RIMBP2: variants seen among roughly 807,000 people sequenced by gnomAD.
The protein encoded by RIMBP2 is RIMS-binding protein 2.
A neutral mutation model predicts 118.6 loss-of-function variants in RIMBP2; 48 were observed. The ratio of observed to expected loss-of-function variants is 0.40; its 90% CI spans 0.32 to 0.51. RIMBP2 has a LOEUF of 0.51. Ranked by LOEUF, RIMBP2 falls within the 20% of genes least tolerant of loss-of-function variation. The pLI is 0.41. For missense variants in RIMBP2, 1,551 were observed against 1,768.3 expected (o/e 0.88, Z 2.20); for synonymous variants, 762 against 742.9 (o/e 1.03, Z -0.42).
chr12:130,701,633 C>A (rs565624039), intron 1 of RIMBP2, among the ~76,000 whole-genome samples: 1 of 152,052 alleles, frequency 6.6e-6, no homozygotes, highest in Non-Finnish European at 1.5e-5. Context: ...ACTGTGAGAC[C>A]GACTGTAGCA....
rs1335582546 is a variant in RIMBP2, at chr12:130,646,195, TTCCCTCTCCACCTCCCTCTCCACC to T, written c.-351-17763_-351-17740del. ...CCTGCCTCTCCACCTCCCTCACCAC[TTCCCTCTCCACCTCCCTCTCCACC>T]TCCCTCACCACCTGCCTCTCCACCT... is the stretch of plus-strand genomic sequence containing the variant. On this transcript the variant is annotated intron_variant, in intron 1 of 22. Coordinates refer to ENST00000690449, the MANE Select transcript of RIMBP2 (RefSeq NM_001393629.1). Among the ~76,000 whole-genome samples, 6 of 4,354 alleles carry T rather than the reference TTCCCTCTCCACCTCCCTCTCCACC, an allele frequency of 1.4e-3. 1 individual carries two copies. The highest frequency in any genetic ancestry group is 2.8e-3 in the Non-Finnish European group (6 of 2,160). The allele number at this position is 4,354 out of a possible 152,430, so 2.9% of individuals were successfully genotyped here. A position where few individuals can be genotyped will look rare whatever the true frequency, so the allele number is the denominator to read the frequency against.
At chr12:130,588,013 G>T (rs1460825977) in intron 2 of RIMBP2, among the ~76,000 whole-genome samples, 1 of 151,814 alleles carries the variant, frequency 6.6e-6, no homozygotes, top group Non-Finnish European at 1.5e-5. Flanking sequence ...GCAAGCCGGG[G>T]TCCTCGCCTC....
chr12:130,644,678 C>T (rs1566419818), intron 1 of RIMBP2, among the ~76,000 whole-genome samples: 1 of 152,346 alleles, frequency 6.6e-6, no homozygotes, highest in African/African-American at 2.4e-5. Flanking sequence ...ACTTCAGGGG[C>T]AGCAAGGCTA....
chr12:130,451,431 C>T (rs1390251386), intron 7 of RIMBP2, 91 bp from the exon 8 acceptor site: 9 of 1,345,744 alleles, frequency 6.7e-6, no homozygotes, highest in Middle Eastern at 1.9e-4. Context: ...GTGCCTTTCC[C>T]CTCTTTGACA....
intron 2 of RIMBP2, among the ~76,000 whole-genome samples, chr12:130,541,986 G>A (rs1490091095): frequency 6.6e-6 from 1 of 152,190 alleles, no homozygotes; most frequent in Non-Finnish European, 1.5e-5. Flanking sequence ...CCATACTCAG[G>A]GGCTCTAAGT....
chr12:130,638,577 A>G (rs2062456077), intron 1 of RIMBP2, among the ~76,000 whole-genome samples: 1 of 152,114 alleles, frequency 6.6e-6, no homozygotes, highest in African/African-American at 2.4e-5. Context: ...ACTGTGAACT[A>G]TGCATGCGAG....
chr12:130,694,526 G>A (rs1343917082), intron 1 of RIMBP2, among the ~76,000 whole-genome samples: 1 of 151,996 alleles, frequency 6.6e-6, no homozygotes, highest in African/African-American at 2.4e-5. Flanking sequence ...TTCCCACCAC[G>A]CTCCAGCATG....
At chr12:130,490,779 G>T (rs985032123) in intron 4 of RIMBP2, among the ~76,000 whole-genome samples, 1 of 152,172 alleles carries the variant, frequency 6.6e-6, no homozygotes, top group Admixed American at 6.6e-5. Flanking sequence ...TCGGCCAAGT[G>T]GGGGCTGCAG....
At position 130,703,254 on chromosome 12, in the gene RIMBP2, A is replaced by G. The variant is rs2065945100; in HGVS notation, c.-352+12968T>C. Among the ~76,000 whole-genome samples the G allele has an allele frequency of 6.6e-6, 1 of 152,012 alleles. No individual in the cohort carries two copies. Among genetic ancestry groups the G allele is most frequent in the Admixed American group, 6.6e-5 (1 of 15,260 alleles). On this transcript the variant is annotated intron_variant, in intron 1 of 22. Transcript: ENST00000690449. This position sits in a 1 kb window ranked among gnomAD's most constrained non-coding sequence, Gnocchi z 5.7. ...ATGACGCCTGGTGTTGGCCTTGTGC[A>G]CCCCGATTAACCTCCAGGCGGGCTC...
At chr12:130,680,441 C>A (rs940705815) in intron 1 of RIMBP2, among the ~76,000 whole-genome samples, 10 of 152,218 alleles carry the variant, frequency 6.6e-5, no homozygotes, top group African/African-American at 2.4e-4. Flanking sequence ...AAAAGCAGGG[C>A]AGTGGGCACA....
At chr12:130,711,921 G>A (rs967870568) in intron 1 of RIMBP2, among the ~76,000 whole-genome samples, 19 of 152,384 alleles carry the variant, frequency 1.2e-4, no homozygotes, top group Admixed American at 6.5e-5. Flanking sequence ...CATTGCTTCC[G>A]GTTTCACAGC....
intron 2 of RIMBP2, among the ~76,000 whole-genome samples, chr12:130,619,756 G>A (rs149208635): frequency 6.6e-6 from 1 of 152,144 alleles, no homozygotes; most frequent in Non-Finnish European, 1.5e-5. Context: ...CTAATCCGAA[G>A]CCCTTTTGTT....
intron 1 of RIMBP2, among the ~76,000 whole-genome samples, chr12:130,633,246 T>C (rs2062116150): frequency 6.6e-6 from 1 of 152,134 alleles, no homozygotes; most frequent in Non-Finnish European, 1.5e-5. Flanking sequence ...GTCTCATCAT[T>C]TGAGCTCAAA....
rs2140448550 is a variant in RIMBP2 at position 130,602,606 on chromosome 12, T to C, written c.-217+25716A>G. Among the ~76,000 whole-genome samples, 3 of 152,352 alleles carry C rather than the reference T, an allele frequency of 2.0e-5. No homozygotes were observed. The South Asian group carries it at 6.2e-4, about 32-fold the overall frequency. On this transcript the variant is annotated intron_variant, in intron 2 of 22. Coordinates refer to ENST00000690449, the MANE Select transcript of RIMBP2 (RefSeq NM_001393629.1). ...TGCCATTGGCAGGGCTACCATTGAC[T>C]TCTTTTGCTTGACTTTTTTGGTAGC...
chr12:130,605,650 G>T (rs2060138892), intron 2 of RIMBP2, among the ~76,000 whole-genome samples: 1 of 152,200 alleles, frequency 6.6e-6, no homozygotes, highest in South Asian at 2.1e-4. Flanking sequence ...AATAGATGAT[G>T]ATAGACAGGC....
intron 16 of RIMBP2, among the ~76,000 whole-genome samples, chr12:130,423,846 C>T (rs2076584096): frequency 6.6e-6 from 1 of 152,112 alleles, no homozygotes; most frequent in Non-Finnish European, 1.5e-5. Flanking sequence ...GATAATCACA[C>T]TTCAGCTAAC....
chr12:130,646,829 G>A (rs2063002592), intron 1 of RIMBP2, among the ~76,000 whole-genome samples: 2 of 152,228 alleles, frequency 1.3e-5, no homozygotes, highest in South Asian at 4.1e-4. Flanking sequence ...TGAGAACCCA[G>A]CAGTTCAGAC....
chr12:130,611,480 C>T (rs759038067), intron 2 of RIMBP2, among the ~76,000 whole-genome samples: 12 of 152,212 alleles, frequency 7.9e-5, no homozygotes, highest in Non-Finnish European at 1.6e-4. Context: ...GCCCCCGATC[C>T]TCCGCTGGAA....
Position 130,703,894 on chromosome 12 carries a change from G to A in RIMBP2, c.-352+12328C>T, listed in dbSNP as rs935211983. ...AGCCTGAACGCAGCGCAGAGGTCTG[G>A]GGCCCGACCACCCTGGGAGGCAGTG... On this transcript the variant is annotated intron_variant, in intron 1 of 22. Coordinates refer to ENST00000690449, the MANE Select transcript of RIMBP2 (RefSeq NM_001393629.1). This position sits in a 1 kb window ranked among gnomAD's most constrained non-coding sequence, Gnocchi z 5.7. 6.6e-6 allele frequency among the ~76,000 whole-genome samples: 1 copy of A among 152,058 alleles called. No individual in the cohort carries two copies. Among genetic ancestry groups the A allele is most frequent in the Non-Finnish European group, 1.5e-5 (1 of 68,008 alleles).
Sources: allele counts gnomAD v4.1 joint callset (sites outside exome capture counted in the v4.1 genomes callset), GRCh38; gene constraint gnomAD v4.1.1; non-coding constraint Gnocchi (gnomAD v3.1); transcripts MANE v1.5; gene names NCBI Gene and HGNC (gene_info 2026-07-23, HGNC 2026-07-21).